Variants in OTUD4 observed in about 807,000 individuals in gnomAD.
OTUD4 encodes OTU deubiquitinase 4, also known as OTU domain-containing protein 4.
Under a neutral mutation model 130.4 loss-of-function variants are expected in OTUD4, and 24 were observed. The ratio of observed to expected loss-of-function variants is 0.18; its 90% CI spans 0.13 to 0.26. OTUD4 has a LOEUF of 0.26. OTUD4 is among the 10% of genes least tolerant of loss of function. OTUD4 has a pLI of 1.00. For synonymous variants in OTUD4, 420 were observed against 472.5 expected, an observed-to-expected ratio of 0.89 and a Z score of 1.44; for missense variants, 1,031 against 1,329.4, an observed-to-expected ratio of 0.78 and a Z score of 3.49.
chr4:145,137,399 T>C lies in OTUD4; in HGVS notation c.*31A>G, dbSNP rs1209792349. ...CCTTCAGAAACATTCCACCTAAGAG[T>C]TTCTGTTAGAAAATACTTCGGCAAC... On this transcript the variant is annotated 3_prime_UTR_variant, in exon 21 of 21. Transcript: ENST00000447906. The C allele has an allele frequency of 1.9e-6, 3 of 1,551,582 alleles. No homozygotes were observed. Among genetic ancestry groups the C allele is most frequent in the Non-Finnish European group, 2.6e-6 (3 of 1,141,986 alleles).
chr4:145,160,102 T>C (rs983539323), intron 6 of OTUD4, among the ~76,000 whole-genome samples: 2 of 152,204 alleles, frequency 1.3e-5, no homozygotes, highest in Non-Finnish European at 2.9e-5. Flanking sequence ...GAGACTTAGA[T>C]TAAAAACATT....
chr4:145,142,150 T>G, intron 18 of OTUD4, 46 bp downstream of exon 18: 1 of 1,570,800 alleles, frequency 6.4e-7, no homozygotes, highest in Non-Finnish European at 8.7e-7. Flanking sequence ...AGTCTCTGAC[T>G]AGAAAGGTAT....
At chr4:145,147,058 T>G (rs1165196569) in intron 13 of OTUD4, among the ~76,000 whole-genome samples, 1 of 151,960 alleles carries the variant, frequency 6.6e-6, no homozygotes, top group Non-Finnish European at 1.5e-5. Context: ...ATGAATAGAG[T>G]TTAGTACCCT....
chr4:145,148,214 T>G (rs778267595), intron 13 of OTUD4, among the ~76,000 whole-genome samples: 39 of 152,168 alleles, frequency 2.6e-4, no homozygotes, highest in Non-Finnish European at 4.7e-4. Flanking sequence ...CACTGTTGAT[T>G]AGAGGCCGGG....
rs35026013 is a variant in OTUD4, at chr4:145,174,006, AT to A, written c.243+654del. Among the ~76,000 whole-genome samples the A allele has an allele frequency of 9.9e-3, 1,346 of 136,492 alleles. 8 individuals carry two copies. The highest frequency in any genetic ancestry group is 0.029 in the African/African-American group (1,043 of 36,280). 89.5% of individuals were successfully genotyped at this position (136,492 alleles called of 152,430 possible). Reference sequence around the variant, plus strand: ...CGTATTTTTTACACTGCAAGTCTGAATTTTTTTTTTTTTTTTTTTGAGACAG... The same window carrying A: ...CGTATTTTTTACACTGCAAGTCTGAATTTTTTTTTTTTTTTTTTGAGACAG... On this transcript the variant is annotated intron_variant, in intron 2 of 20. Coordinates refer to ENST00000447906, the MANE Select transcript of OTUD4 (RefSeq NM_001366057.1).
chr4:145,143,328 G>C, intron 17 of OTUD4, 37 bp downstream of exon 17: 1 of 1,263,698 alleles, frequency 7.9e-7, no homozygotes, highest in Non-Finnish European at 1.2e-6. Flanking sequence ...AACCCAGAGA[G>C]TGGAGCATTC....
intron 1 of OTUD4, among the ~76,000 whole-genome samples, chr4:145,175,707 G>A (rs1245771433): frequency 6.6e-6 from 1 of 150,882 alleles, no homozygotes; most frequent in Admixed American, 6.6e-5. Flanking sequence ...ACGGCGCTTG[G>A]CTAATTTTTG....
At position 145,180,071 on chromosome 4, in the gene OTUD4, C is replaced by A; in HGVS notation, c.-98G>T. On this transcript the variant is annotated 5_prime_UTR_variant, in exon 1 of 21. Coordinates refer to ENST00000447906, the MANE Select transcript of OTUD4 (RefSeq NM_001366057.1). ...CCCCGGCCTGGGGCAGGCGGCGGCT[C>A]GGGCTGGGGCTCGGGCTCCGCGAGC... is the stretch of plus-strand genomic sequence containing the variant. 1.0e-6 allele frequency: 1 copy of A among 1,002,992 alleles called. No homozygotes were observed. The highest frequency in any genetic ancestry group is 1.2e-6 in the Non-Finnish European group (1 of 808,192). 62.1% of individuals were successfully genotyped at this position (1,002,992 alleles called of 1,614,324 possible). A position where few individuals can be genotyped will look rare whatever the true frequency, so the allele number is the denominator to read the frequency against.
At position 145,180,024 on chromosome 4, in the gene OTUD4, C is replaced by A; in HGVS notation, c.-51G>T. On this transcript the variant is annotated 5_prime_UTR_variant, in exon 1 of 21. Transcript: ENST00000447906. ...CGCGGCGAGGGCTAGCCCCACATGG[C>A]CAGGCCGCCGGCTGCTCGACGCCCC... 1 of 1,318,346 alleles carries A rather than the reference C, an allele frequency of 7.6e-7. No homozygotes were observed. Among genetic ancestry groups the A allele is most frequent in the Non-Finnish European group, 9.6e-7 (1 of 1,040,790 alleles). The allele number at this position is 1,318,346 out of a possible 1,614,324, so 81.7% of individuals were successfully genotyped here.
chr4:145,173,048 T>C (rs1399173557), intron 2 of OTUD4, among the ~76,000 whole-genome samples: 1 of 152,178 alleles, frequency 6.6e-6, no homozygotes, highest in Admixed American at 6.5e-5. Flanking sequence ...AAAAGGAAAG[T>C]GAAACTTTTC....
In OTUD4 at chr4:145,155,646, G is replaced by C; in HGVS notation, c.731C>G (p.Ser244Cys). 6.2e-7 allele frequency: 1 copy of C among 1,612,778 alleles called. No individual in the cohort carries two copies. The highest frequency in any genetic ancestry group is 8.5e-7 in the Non-Finnish European group (1 of 1,179,380). ...NNGNSTSLPL[S>C]RKVLKSLNPA... The stretch of plus-strand genomic sequence containing the variant: ...ATTGAGTGACTTAAGAACCTTTCTA[G>C]ACAAAGGCAGGCTAGTAGAGTTCCC... Residue 244 changes from serine (S) to cysteine (C), a missense_variant, in exon 9 of 21, where the codon TCT becomes TGT. Ser to Cys is a moderately radical substitution (Grantham distance 112). Coordinates refer to ENST00000447906, the MANE Select transcript of OTUD4 (RefSeq NM_001366057.1).
rs1750160706 is a variant in OTUD4, at chr4:145,134,861, T to C, written c.*2569A>G. 1 of 398,952 alleles carries C rather than the reference T, an allele frequency of 2.5e-6. No homozygotes were observed. The highest frequency in any genetic ancestry group is 4.4e-6 in the Non-Finnish European group (1 of 225,984). 24.7% of individuals were successfully genotyped at this position (398,952 alleles called of 1,614,324 possible). On this transcript the variant is annotated 3_prime_UTR_variant, in exon 21 of 21. Transcript: ENST00000447906. ...AGGTGAGCTTTGGTCAGTCTGTTCT[T>C]CAAAATATGTATGATCATAATATGG...
chr4:145,150,775 AG>A (rs1751032260), intron 12 of OTUD4, 26 bp downstream of exon 12: 1 of 1,605,652 alleles, frequency 6.2e-7, no homozygotes, highest in Non-Finnish European at 8.5e-7. Context: ...CCAATCCCAA[AG>A]GAATGATAGC....
intron 20 of OTUD4, 39 bp from the exon 21 acceptor site, chr4:145,138,689 G>T: frequency 6.5e-7 from 1 of 1,546,996 alleles, no homozygotes; most frequent in South Asian, 1.3e-5. Flanking sequence ...CAAAAGAGGA[G>T]AAAAAAGAGA....
In OTUD4 at chr4:145,138,250, A is replaced by T. The variant is rs774674350; in HGVS notation, c.2525T>A (p.Phe842Tyr). 2 of 1,613,902 alleles carry T rather than the reference A, an allele frequency of 1.2e-6. No homozygotes were observed. The highest frequency in any genetic ancestry group is 2.7e-5 in the African/African-American group (2 of 74,940). The change falls in exon 21 of 21, where the codon TTT (phenylalanine) becomes TAT (tyrosine). Residue 842 changes from phenylalanine to tyrosine, a missense_variant. By Grantham distance (22) the Phe-to-Tyr change is conservative (BLOSUM62 3). Around this residue, in one of 3 missense-constraint regions of OTUD4, gnomAD observed 900 missense variants for 1,095.9 expected, o/e 0.82. Transcript: ENST00000447906. ...SGKNMFPQPS[F>Y]GPNPFLGPVP... ...TGGGCCTAAGAATGGATTGGGTCCA[A>T]AAGATGGCTGGGGGAACATATTCTT...
rs1379402519 is a variant in OTUD4, at chr4:145,164,191, G to A, written c.377C>T (p.Ser126Phe). 3 of 1,441,532 alleles carry A rather than the reference G, an allele frequency of 2.1e-6. No individual in the cohort carries two copies. In the Admixed American group the frequency reaches 5.6e-5, roughly 27 times the overall value. 89.3% of individuals were successfully genotyped at this position (1,441,532 alleles called of 1,614,324 possible). ...ATTATTTTCTGTTACTTGTGAAGGAGAAACATTTGGTTCCCGATAAATTAT... is the reference window on the plus strand; with the variant it reads ...ATTATTTTCTGTTACTTGTGAAGGAAAAACATTTGGTTCCCGATAAATTAT... ...DFIIYREPNV[S>F]PSQVTENNFP... Residue 126 changes from serine to phenylalanine, a missense_variant, in exon 5 of 21, where the codon TCT becomes TTT. Coordinates refer to ENST00000447906, the MANE Select transcript of OTUD4 (RefSeq NM_001366057.1).
intron 4 of OTUD4, 41 bp from the exon 5 acceptor site, chr4:145,164,267 T>C (rs1405970756): frequency 8.7e-6 from 8 of 917,634 alleles, no homozygotes; most frequent in Admixed American, 2.6e-5. Flanking sequence ...TGGACTATAC[T>C]TCATGAATTT....
At chr4:145,179,643 A>C (rs1410919128) in intron 1 of OTUD4, 172 bp downstream of exon 1, 1 of 1,399,000 alleles carries the variant, frequency 7.1e-7, no homozygotes, top group East Asian at 2.9e-5. Flanking sequence ...TGCACCTTTC[A>C]GACGCAAAGC....
Position 145,180,000 on chromosome 4 carries a change from G to C in OTUD4, c.-27C>G. The stretch of plus-strand genomic sequence containing the variant: ...TTGCTGGTCCTGCTGCAGGCCAGGC[G>C]CGGCGAGGGCTAGCCCCACATGGCC... On this transcript the variant is annotated 5_prime_UTR_variant, in exon 1 of 21. Transcript: ENST00000447906. The C allele has an allele frequency of 6.8e-7, 1 of 1,461,546 alleles. No individual in the cohort carries two copies. The highest frequency in any genetic ancestry group is 8.9e-7 in the Non-Finnish European group (1 of 1,117,512). The allele number at this position is 1,461,546 out of a possible 1,614,324, so 90.5% of individuals were successfully genotyped here.
Sources: gnomAD v4.1 joint callset for allele counts (sites outside exome capture counted in the v4.1 genomes callset) on GRCh38, gnomAD v4.1.1 for gene constraint, gnomAD v4.1.1 regional missense constraint, MANE v1.5 for transcripts, NCBI Gene and HGNC (gene_info 2026-07-23, HGNC 2026-07-21) for gene names.